Variants in MUC4 observed in about 807,000 individuals in gnomAD.
MUC4 encodes the protein mucin 4, cell surface associated, also known as mucin-4.
MUC4 carries 202 observed loss-of-function variants against 257.9 expected under a neutral mutation model. That is an observed-to-expected ratio of 0.78 (90% CI 0.70 to 0.88). The LOEUF (loss-of-function observed/expected upper bound fraction) is 0.88, where lower values mean the gene tolerates loss of function less well. MUC4 is among the 40% of genes least tolerant of loss of function. The pLI, the probability that MUC4 is intolerant of heterozygous loss-of-function variation, is 0.00. For missense variants in MUC4, 5,976 were observed against 6,513.7 expected (o/e 0.92, Z 2.84); for synonymous variants, 2,351 against 2,757.1 (o/e 0.85, Z 4.62).
intron 9 of MUC4, 56 bp from the exon 10 acceptor site, chr3:195,765,178 G>A: frequency 6.3e-7 from 1 of 1,588,020 alleles, no homozygotes. Flanking sequence ...GGGCGGGGTG[G>A]GAACAAGCAG....
chr3:195,803,763 G>A (rs1735645231), intron 1 of MUC4, among the ~76,000 whole-genome samples: 1 of 152,266 alleles, frequency 6.6e-6, no homozygotes, highest in South Asian at 2.1e-4. Flanking sequence ...CTCGGGGTAA[G>A]AGCCATTGCT....
intron 1 of MUC4, among the ~76,000 whole-genome samples, chr3:195,798,103 G>C (rs1351446871): frequency 3.9e-5 from 6 of 152,106 alleles, no homozygotes; most frequent in African/African-American, 1.4e-4. Flanking sequence ...GCATGACAGA[G>C]GGAGACTCTG....
At position 195,778,279 on chromosome 3, in the gene MUC4, C is replaced by A. The variant is rs1429146977; in HGVS notation, c.12943+24G>T. 10 of 1,571,394 alleles carry A rather than the reference C, an allele frequency of 6.4e-6. No individual in the cohort carries two copies. In the East Asian group the frequency reaches 9.3e-5, roughly 15 times the overall value. ...CAGTTACATCACCCCTCAAAAGGCACAGGCCTCACCTGTATGGCCTCACCT... is the reference window on the plus strand; with the variant it reads ...CAGTTACATCACCCCTCAAAAGGCAAAGGCCTCACCTGTATGGCCTCACCT... On this transcript the variant is annotated intron_variant, in intron 3 of 24. Transcript: ENST00000463781.
rs1222891589 is a variant in MUC4 at position 195,790,581 on chromosome 3, G to A, written c.999C>T (p.Thr333=). Reference sequence around the variant, plus strand: ...TGAGGGTGTTGATTTGAGATACTCTGGTGGTCTCCACGCTCTGAGTCTGGT... The same window carrying A: ...TGAGGGTGTTGATTTGAGATACTCTAGTGGTCTCCACGCTCTGAGTCTGGT... ...KNHQTQSVET[T]RVSQINTLNT... The change falls in exon 2 of 25, where the codon ACC becomes ACT. Residue 333 remains threonine (T), a synonymous_variant. Transcript: ENST00000463781. 6.2e-7 allele frequency: 1 copy of A among 1,614,006 alleles called. No homozygotes were observed. The highest frequency in any genetic ancestry group is 1.1e-5 in the South Asian group (1 of 91,088).
chr3:195,793,772 AATTATAGC>A (rs1238708618), intron 1 of MUC4, among the ~76,000 whole-genome samples: 4 of 152,198 alleles, frequency 2.6e-5, no homozygotes, highest in Non-Finnish European at 5.9e-5. Flanking sequence ...TCTCAACTTG[AATTATAGC>A]ATTATCTTTC....
Position 195,770,212 on chromosome 3 carries a change from T to G in MUC4, c.13398+4A>C. 1 of 1,598,050 alleles carries G rather than the reference T, an allele frequency of 6.3e-7. No homozygotes were observed. Among genetic ancestry groups the G allele is most frequent in the Non-Finnish European group, 8.5e-7 (1 of 1,173,404 alleles). ...TCCTGGGAGCTGCCCAGGGGTCTAC[T>G]CACCCCGAGGGTCCACTGGGCAGGA... is the stretch of plus-strand genomic sequence containing the variant. On this transcript the variant is annotated splice_donor_region_variant and intron_variant, in intron 6 of 24. Transcript: ENST00000463781.
At chr3:195,753,691 G>A (rs971757299) in intron 19 of MUC4, 15 of 205,798 alleles carry the variant, frequency 7.3e-5, no homozygotes, top group Non-Finnish European at 1.4e-4. Context: ...AGACTCTGGT[G>A]ACTCAGAGCG....
intron 1 of MUC4, among the ~76,000 whole-genome samples, chr3:195,794,381 G>T (rs1734289921): frequency 6.6e-6 from 1 of 150,806 alleles, no homozygotes; most frequent in African/African-American, 2.5e-5. Flanking sequence ...TATAGAGAGA[G>T]AGAGAGAGAG....
In MUC4 at chr3:195,787,329, T is replaced by G. The variant is rs1732633078; in HGVS notation, c.4251A>C (p.Ala1417=). Residue 1417 remains alanine, a synonymous_variant, in exon 2 of 25, where the codon GCA becomes GCC. Coordinates refer to ENST00000463781, the MANE Select transcript of MUC4 (RefSeq NM_018406.7). Reference sequence around the variant, plus strand: ...GAAGAGGGGTGGCGTGTCCTGTGGATGCTGAGGAAGTGTCGGTGACAAGAA... The same window carrying G: ...GAAGAGGGGTGGCGTGTCCTGTGGAGGCTGAGGAAGTGTCGGTGACAAGAA... ...TPLLVTDTSS[A]STGHATPLPV... 1.5e-6 allele frequency: 1 copy of G among 659,132 alleles called. No individual in the cohort carries two copies. Among genetic ancestry groups the G allele is most frequent in the Admixed American group, 3.4e-5 (1 of 29,648 alleles). The allele number at this position is 659,132 out of a possible 1,614,324, so 40.8% of individuals were successfully genotyped here.
chr3:195,770,485 T>TC, intron 5 of MUC4, 114 bp from the exon 6 acceptor site: 1 of 1,183,910 alleles, frequency 8.4e-7, no homozygotes, highest in South Asian at 1.3e-5. Flanking sequence ...TGGCCTGCCC[T>TC]CCCCTGTCCC....
At chr3:195,749,095 A>G in intron 23 of MUC4, 31 bp from the exon 24 acceptor site, 1 of 1,605,108 alleles carries the variant, frequency 6.2e-7, no homozygotes, top group South Asian at 1.1e-5. Context: ...TAACACAGAA[A>G]GCAACCGATG....
chr3:195,779,131 G>C lies in MUC4; in HGVS notation c.12449C>G (p.Pro4150Arg), dbSNP rs1424140317. Reference sequence around the variant, plus strand: ...GGTGTGACCTGAGGATGCTGAGGAAGGGATGGTGACAGGAAGAGGCGTGGT... The same window carrying C: ...GGTGTGACCTGAGGATGCTGAGGAACGGATGGTGACAGGAAGAGGCGTGGT... ...GDTTPLPVTI[P>R]SSASSGHTTS... is the part of the protein sequence containing the mutation. The change falls in exon 2 of 25, where the codon CCT becomes CGT. Residue 4150 changes from proline (P) to arginine (R), a missense_variant. Around this residue, in one of 44 missense-constraint regions of MUC4, gnomAD observed 293 missense variants for 294.5 expected, o/e 1.00. Transcript: ENST00000463781. 6.8e-7 allele frequency: 1 copy of C among 1,481,254 alleles called. No individual in the cohort carries two copies. Among genetic ancestry groups the C allele is most frequent in the Non-Finnish European group, 9.1e-7 (1 of 1,100,688 alleles). 91.8% of individuals were successfully genotyped at this position (1,481,254 alleles called of 1,614,324 possible).
intron 8 of MUC4, 41 bp from the exon 9 acceptor site, chr3:195,765,490 G>C (rs372104408): frequency 1.3e-6 from 2 of 1,573,760 alleles, no homozygotes; most frequent in African/African-American, 1.4e-5. Context: ...ATCCAGGGCT[G>C]GGGCTGCAGG....
chr3:195,791,581 C>G (rs1204849989), intron 1 of MUC4, 84 bp from the exon 2 acceptor site: 9 of 841,592 alleles, frequency 1.1e-5, no homozygotes, highest in Non-Finnish European at 1.7e-5. Context: ...AATAAAATAC[C>G]TAGGAATACA....
At position 195,780,771 on chromosome 3, in the gene MUC4, G is replaced by A. The variant is rs1727278034; in HGVS notation, c.10809C>T (p.Val3603=). 1.4e-6 allele frequency: 2 copies of A among 1,457,306 alleles called. No homozygotes were observed. The highest frequency in any genetic ancestry group is 4.5e-5 in the Admixed American group (2 of 44,534). 90.3% of individuals were successfully genotyped at this position (1,457,306 alleles called of 1,614,324 possible). Residue 3603 remains valine (V), a synonymous_variant, in exon 2 of 25, where the codon GTC becomes GTT. Coordinates refer to ENST00000463781, the MANE Select transcript of MUC4 (RefSeq NM_018406.7). ...CTGTGGATGCTGAGGAAGTGTCGGT[G>A]ACAGGAAGAGGGGTGGCGTGACCTG... ...VSTGHATPLP[V]TDTSSASTGD...
At chr3:195,806,719 C>G (rs1475341898) in intron 1 of MUC4, among the ~76,000 whole-genome samples, 7 of 152,232 alleles carry the variant, frequency 4.6e-5, no homozygotes, top group African/African-American at 1.7e-4. Context: ...CTGTGTGCTG[C>G]AGTGAGTCAG....
chr3:195,774,022 C>T, intron 4 of MUC4, 150 bp downstream of exon 4: 1 of 1,113,092 alleles, frequency 9.0e-7, no homozygotes, highest in Non-Finnish European at 1.2e-6. Context: ...GTTCCTCAGG[C>T]AGAGGCCTGA....
intron 1 of MUC4, among the ~76,000 whole-genome samples, chr3:195,794,546 G>A (rs1734327492): frequency 6.6e-6 from 1 of 152,090 alleles, no homozygotes; most frequent in Admixed American, 6.5e-5. Flanking sequence ...TATTTCTGTA[G>A]AGGTGGAATC....
chr3:195,753,017 TGCGGGGGTGAGAGG>T lies in MUC4; in HGVS notation c.15508+20_15508+33del, dbSNP rs1716788628. ...GTGAGAGGGTGGGGCCCAGGAAGAG[TGCGGGGGTGAGAGG>T]GCGGGGTCTCTGGCGGTACCTAGGT... On this transcript the variant is annotated intron_variant, in intron 20 of 24. Coordinates refer to ENST00000463781, the MANE Select transcript of MUC4 (RefSeq NM_018406.7). 1.3e-6 allele frequency: 2 copies of T among 1,581,380 alleles called. No homozygotes were observed. The highest frequency in any genetic ancestry group is 1.7e-6 in the Non-Finnish European group (2 of 1,162,682).
Sources: allele counts gnomAD v4.1 joint callset (sites outside exome capture counted in the v4.1 genomes callset), GRCh38; gene constraint gnomAD v4.1.1; regional missense constraint gnomAD v4.1.1; transcripts MANE v1.5; gene names NCBI Gene and HGNC (gene_info 2026-07-23, HGNC 2026-07-21).